GNAZ: variants seen among roughly 807,000 people sequenced by gnomAD.
GNAZ encodes the protein G protein subunit alpha z.
Under a neutral mutation model 25.4 loss-of-function variants are expected in GNAZ, and 3 were observed. The observed-to-expected ratio is 0.12, with a 90% CI of 0.05 to 0.30. The LOEUF is 0.30. GNAZ is among the 10% of genes least tolerant of loss of function. The pLI, the probability that GNAZ is intolerant of heterozygous loss-of-function variation, is 1.00. For missense variants in GNAZ, 241 were observed against 501.8 expected (o/e 0.48, Z 4.97); for synonymous variants, 211 against 205.7 (o/e 1.03, Z -0.22).
At chr22:23,108,099 C>G (rs1050082503) in intron 2 of GNAZ, among the ~76,000 whole-genome samples, 2 of 152,224 alleles carry the variant, frequency 1.3e-5, no homozygotes, top group African/African-American at 2.4e-5. Flanking sequence ...GGAGCAGGTG[C>G]ATCTGTGCAG....
chr22:23,079,337 G>A (rs181915660), intron 1 of GNAZ, among the ~76,000 whole-genome samples: 11 of 152,344 alleles, frequency 7.2e-5, no homozygotes, highest in East Asian at 5.8e-4. Context: ...GCGCGGAAGC[G>A]AAGTCCACTT....
At chr22:23,109,222 A>G (rs2069573380) in intron 2 of GNAZ, among the ~76,000 whole-genome samples, 1 of 152,164 alleles carries the variant, frequency 6.6e-6, no homozygotes, top group Non-Finnish European at 1.5e-5. Flanking sequence ...GGTAGAGTTC[A>G]AGGAGAACCA....
At chr22:23,113,360 C>G (rs1399074393) in intron 2 of GNAZ, among the ~76,000 whole-genome samples, 1 of 152,232 alleles carries the variant, frequency 6.6e-6, no homozygotes, top group Non-Finnish European at 1.5e-5. Flanking sequence ...TCCCATCAAC[C>G]CCTCACACAC....
rs950603563 is a variant in GNAZ, at chr22:23,073,133, T to C, written c.-450+2563T>C. ...GCTAGCCTCAGAATACTTAAGACGG[T>C]GTGTGGTGGCAAAGGCACTCTCACT... On this transcript the variant is annotated intron_variant, in intron 1 of 2. Transcript: ENST00000615612. 2.0e-5 allele frequency among the ~76,000 whole-genome samples: 3 copies of C among 152,346 alleles called. No individual in the cohort carries two copies. In the East Asian group the frequency reaches 5.8e-4, roughly 29 times the overall value.
In GNAZ at chr22:23,086,438, G is replaced by A. The variant is rs565839110; in HGVS notation, c.-449-8809G>A. On this transcript the variant is annotated intron_variant, in intron 1 of 2. Coordinates refer to ENST00000615612, the MANE Select transcript of GNAZ (RefSeq NM_002073.4). The stretch of plus-strand genomic sequence containing the variant: ...TGGCAGCAGACGGGGTGGCACGGAG[G>A]TGCAGCTGTCCCCTGCGTGTCTCCA... 2.6e-5 allele frequency among the ~76,000 whole-genome samples: 4 copies of A among 152,352 alleles called. No individual in the cohort carries two copies. In the East Asian group the frequency reaches 5.8e-4, roughly 22 times the overall value.
intron 1 of GNAZ, among the ~76,000 whole-genome samples, chr22:23,086,114 A>C (rs571714105): frequency 1.3e-5 from 2 of 152,252 alleles, no homozygotes; most frequent in Admixed American, 6.5e-5. Context: ...TGAAAGTAGG[A>C]CTATGAAGTC....
At chr22:23,070,662 T>A (rs1837315060) in intron 1 of GNAZ, 92 bp downstream of exon 1, 1 of 152,032 alleles carries the variant, frequency 6.6e-6, no homozygotes, top group Non-Finnish European at 1.5e-5. Context: ...CACTTGGGAC[T>A]CTTCCCAGGC....
chr22:23,076,672 T>C (rs1370748151), intron 1 of GNAZ, among the ~76,000 whole-genome samples: 1 of 152,232 alleles, frequency 6.6e-6, no homozygotes, highest in Non-Finnish European at 1.5e-5. Flanking sequence ...GTGGGGCCTT[T>C]GTCAGACACG....
chr22:23,092,631 C>T (rs1157370295), intron 1 of GNAZ, among the ~76,000 whole-genome samples: 3 of 152,156 alleles, frequency 2.0e-5, no homozygotes, highest in African/African-American at 4.8e-5. Context: ...GCACACTGAT[C>T]GAAGACTGCA....
At chr22:23,117,999 G>T (rs1601833797) in intron 2 of GNAZ, among the ~76,000 whole-genome samples, 1 of 152,308 alleles carries the variant, frequency 6.6e-6, no homozygotes, top group Middle Eastern at 3.4e-3. Flanking sequence ...TGGCAGCCAC[G>T]TTCAGGGGAA....
intron 1 of GNAZ, among the ~76,000 whole-genome samples, chr22:23,074,122 C>G (rs2068447844): frequency 6.6e-6 from 1 of 152,054 alleles, no homozygotes; most frequent in African/African-American, 2.4e-5. Flanking sequence ...CTCAGTGGGC[C>G]CCAATGAGGC....
chr22:23,122,670 G>A (rs956904175), intron 2 of GNAZ: 8 of 198,124 alleles, frequency 4.0e-5, no homozygotes, highest in Non-Finnish European at 8.4e-5. Context: ...GATGTGACGG[G>A]GGCTCCTGCA....
intron 2 of GNAZ, among the ~76,000 whole-genome samples, chr22:23,100,982 A>C (rs2069285973): frequency 6.6e-6 from 1 of 152,214 alleles, no homozygotes; most frequent in Non-Finnish European, 1.5e-5. Flanking sequence ...AATGGAGTTT[A>C]AACATTTGTG....
rs555128258 is a variant in GNAZ at position 23,076,336 on chromosome 22, G to T, written c.-450+5766G>T. Among the ~76,000 whole-genome samples the T allele has an allele frequency of 2.6e-5, 4 of 152,328 alleles. No individual in the cohort carries two copies. The South Asian group carries it at 8.3e-4, about 32-fold the overall frequency. ...TCACCATTGAGAATCGCCACCCAGG[G>T]AGTCGCTGTGGAGGGACTGAATATT... is the stretch of plus-strand genomic sequence containing the variant. On this transcript the variant is annotated intron_variant, in intron 1 of 2. Transcript: ENST00000615612.
intron 1 of GNAZ, among the ~76,000 whole-genome samples, chr22:23,078,949 AC>A (rs1213893778): frequency 2.0e-5 from 3 of 152,170 alleles, no homozygotes; most frequent in Non-Finnish European, 4.4e-5. Flanking sequence ...AGGGAAGGCC[AC>A]GGGCCTTTCC....
intron 2 of GNAZ, among the ~76,000 whole-genome samples, chr22:23,097,343 C>T (rs874138): frequency 0.23 from 35,678 of 152,194 alleles, 4,555 homozygotes; most frequent in East Asian, 0.35. Flanking sequence ...TTAGGTTCAG[C>T]GGAGAGCAAC....
intron 1 of GNAZ, among the ~76,000 whole-genome samples, chr22:23,075,648 C>G (rs1462774360): frequency 6.6e-6 from 1 of 152,198 alleles, no homozygotes; most frequent in African/African-American, 2.4e-5. Flanking sequence ...AGCCACAGTG[C>G]AGGGAGGGGC....
chr22:23,072,207 G>A (rs905348318), intron 1 of GNAZ, among the ~76,000 whole-genome samples: 1 of 152,152 alleles, frequency 6.6e-6, no homozygotes, highest in African/African-American at 2.4e-5. Context: ...TGCCTGTTTC[G>A]GGGATGATGC....
At chr22:23,091,539 C>G (rs961775871) in intron 1 of GNAZ, among the ~76,000 whole-genome samples, 56 of 152,144 alleles carry the variant, frequency 3.7e-4, no homozygotes, top group Non-Finnish European at 5.4e-4. Context: ...GACCTACACA[C>G]ACACAGGGAG....
Sources: gnomAD v4.1 joint callset for allele counts (sites outside exome capture counted in the v4.1 genomes callset) on GRCh38, gnomAD v4.1.1 for gene constraint, MANE v1.5 for transcripts, NCBI Gene and HGNC (gene_info 2026-07-23, HGNC 2026-07-21) for gene names.